The following IFIT3 variants were observed in gnomAD, a reference collection of about 807,000 sequenced individuals.
IFIT3 encodes interferon-induced protein with tetratricopeptide repeats 3.
In IFIT3, 2 loss-of-function variants were observed where a neutral mutation model predicts 2.4. The observed-to-expected ratio is 0.82, with a 90% CI of 0.34 to 2.60. The LOEUF is 2.60. IFIT3 is among the 30% of genes most tolerant of loss of function. The pLI, the probability that IFIT3 is intolerant of heterozygous loss-of-function variation, is 0.11. For missense variants in IFIT3, 481 were observed against 562.4 expected (o/e 0.86, Z 1.46); for synonymous variants, 203 against 212.1 (o/e 0.96, Z 0.37).
At chr10:89,337,471 C>G (rs1468869096) in intron 1 of IFIT3, among the ~76,000 whole-genome samples, 1 of 152,168 alleles carries the variant, frequency 6.6e-6, no homozygotes, top group Admixed American at 6.5e-5. Context: ...GTGATCTCAG[C>G]TCACTACAAC....
chr10:89,332,914 T>C (rs1398739126), intron 1 of IFIT3, among the ~76,000 whole-genome samples: 1 of 152,174 alleles, frequency 6.6e-6, no homozygotes, highest in African/African-American at 2.4e-5. Context: ...ATCGGGCCAG[T>C]GAAAGCTGGG....
rs1300994627 is a variant in IFIT3, at chr10:89,340,154, G to A, written c.*26G>A. ...GACAGAGGAGGAAAACAGAGCATCA[G>A]AAGCCTGCAGTGGTGGTTGTGACGG... On this transcript the variant is annotated 3_prime_UTR_variant, in exon 2 of 2. Coordinates refer to ENST00000371818, the MANE Select transcript of IFIT3 (RefSeq NM_001549.6). 1.3e-6 allele frequency: 2 copies of A among 1,549,130 alleles called. No individual in the cohort carries two copies. The highest frequency in any genetic ancestry group is 1.7e-6 in the Non-Finnish European group (2 of 1,149,164).
chr10:89,332,033 A>T (rs6586184), intron 1 of IFIT3, among the ~76,000 whole-genome samples: 1 of 151,878 alleles, frequency 6.6e-6, no homozygotes, highest in South Asian at 2.1e-4. Context: ...GAGTTCGAGA[A>T]CAGCCTGACC....
At chr10:89,330,257 T>C (rs1240415157) in intron 1 of IFIT3, among the ~76,000 whole-genome samples, 1 of 152,218 alleles carries the variant, frequency 6.6e-6, no homozygotes, top group African/African-American at 2.4e-5. Flanking sequence ...AGAGCTATTA[T>C]TTCTATTATT....
At chr10:89,332,492 C>T in intron 1 of IFIT3, 2 of 1,563,160 alleles carry the variant, frequency 1.3e-6, no homozygotes. Flanking sequence ...ACTTTCCTTT[C>T]CCCTTTCATA....
In IFIT3 at chr10:89,328,146, G is replaced by A. The variant is rs111838735; in HGVS notation, c.5+68G>A. ...CAAATTGTAAGTTGAGTTTCTTACT[G>A]TGCAGGCACATTCCTGAATTGTCCT... On this transcript the variant is annotated intron_variant, in intron 1 of 1. Transcript: ENST00000371818. 5,083 of 1,425,748 alleles carry A rather than the reference G, an allele frequency of 3.6e-3. 13 individuals carry two copies. The highest frequency in any genetic ancestry group is 4.3e-3 in the Non-Finnish European group (4,347 of 1,008,822). 88.3% of individuals were successfully genotyped at this position (1,425,748 alleles called of 1,614,324 possible).
rs1159086959 is a variant in IFIT3, at chr10:89,338,823, G to T, written c.168G>T (p.Leu56Phe). The T allele has an allele frequency of 4.3e-6, 7 of 1,614,150 alleles. No homozygotes were observed. Among genetic ancestry groups the T allele is most frequent in the Non-Finnish European group, 5.9e-6 (7 of 1,180,008 alleles). ...NTEFKATMYN[L>F]LAYIKHLDGN... ...AGTTCAAAGCTACAATGTACAACTT[G>T]TTGGCCTACATAAAACACCTAGATG... The change falls in exon 2 of 2, where the codon TTG becomes TTT. Residue 56 changes from leucine to phenylalanine, a missense_variant. Coordinates refer to ENST00000371818, the MANE Select transcript of IFIT3 (RefSeq NM_001549.6).
At chr10:89,336,512 G>A (rs188596456) in intron 1 of IFIT3, among the ~76,000 whole-genome samples, 1 of 152,294 alleles carries the variant, frequency 6.6e-6, no homozygotes, top group Admixed American at 6.5e-5. Context: ...AAGTATAATA[G>A]ATCAGTACAC....
At position 89,331,961 on chromosome 10, in the gene IFIT3, G is replaced by A. The variant is rs567766704; in HGVS notation, c.5+3883G>A. Reference sequence around the variant, plus strand: ...GACTAGGTTGTCTGAGGCCGGGCACGGTGGTGCAAGGCTATAATCCCAGCA... The same window carrying A: ...GACTAGGTTGTCTGAGGCCGGGCACAGTGGTGCAAGGCTATAATCCCAGCA... On this transcript the variant is annotated intron_variant, in intron 1 of 1. Coordinates refer to ENST00000371818, the MANE Select transcript of IFIT3 (RefSeq NM_001549.6). Among the ~76,000 whole-genome samples the A allele has an allele frequency of 2.2e-4, 33 of 151,912 alleles. No homozygotes were observed. In the South Asian group the frequency reaches 4.2e-3, roughly 19 times the overall value.
rs1237827605 is a variant in IFIT3, at chr10:89,339,053, T to C, written c.398T>C (p.Ile133Thr). 6.2e-7 allele frequency: 1 copy of C among 1,614,106 alleles called. No individual in the cohort carries two copies. The highest frequency in any genetic ancestry group is 1.1e-5 in the South Asian group (1 of 91,090). ...AAGAAATTTTCAAATCCATACAGTATTGAGTATTCTGAACTTGACTGTGAG... is the reference window on the plus strand; with the variant it reads ...AAGAAATTTTCAAATCCATACAGTACTGAGTATTCTGAACTTGACTGTGAG... ...TCKKFSNPYS[I>T]EYSELDCEEG... is the part of the protein sequence containing the mutation. Residue 133 changes from isoleucine to threonine, a missense_variant, in exon 2 of 2, where the codon ATT (isoleucine) becomes ACT (threonine). Coordinates refer to ENST00000371818, the MANE Select transcript of IFIT3 (RefSeq NM_001549.6).
chr10:89,333,063 T>C (rs1466265265), intron 1 of IFIT3, among the ~76,000 whole-genome samples: 1 of 152,250 alleles, frequency 6.6e-6, no homozygotes, highest in Non-Finnish European at 1.5e-5. Context: ...GTGTCAATAA[T>C]TAATTCAGCA....
chr10:89,334,376 C>T (rs1024020710), intron 1 of IFIT3, among the ~76,000 whole-genome samples: 1 of 151,692 alleles, frequency 6.6e-6, no homozygotes, highest in Admixed American at 6.6e-5. Context: ...TCCTATCTCC[C>T]TAAGGTCTTC....
In IFIT3 at chr10:89,339,144, G is replaced by A. The variant is rs370990505; in HGVS notation, c.489G>A (p.Leu163=). The part of the protein sequence containing the change: ...ERAKVCFEKA[L]EEKPNNPEFS... ...CGAAGGTGTGTTTTGAGAAGGCTCT[G>A]GAAGAAAAGCCCAACAACCCAGAAT... Residue 163 remains leucine, a synonymous_variant, in exon 2 of 2, where the codon CTG becomes CTA. Transcript: ENST00000371818. 5.6e-5 allele frequency: 90 copies of A among 1,613,974 alleles called. No individual in the cohort carries two copies. Among genetic ancestry groups the A allele is most frequent in the Non-Finnish European group, 7.5e-5 (88 of 1,180,012 alleles).
chr10:89,337,235 G>A (rs1400409408), intron 1 of IFIT3, among the ~76,000 whole-genome samples: 2 of 152,176 alleles, frequency 1.3e-5, no homozygotes, highest in Non-Finnish European at 2.9e-5. Flanking sequence ...GAAAGCACCT[G>A]GCGGGCAGAG....
Position 89,338,532 on chromosome 10 carries a change from C to A in IFIT3, c.6-129C>A, listed in dbSNP as rs143716945. 13 of 854,140 alleles carry A rather than the reference C, an allele frequency of 1.5e-5. No homozygotes were observed. The East Asian group carries it at 2.5e-4, about 16-fold the overall frequency. The allele number at this position is 854,140 out of a possible 1,614,324, so 52.9% of individuals were successfully genotyped here. A position where few individuals can be genotyped will look rare whatever the true frequency, so the allele number is the denominator to read the frequency against. ...TCCAGAAACAACCTCACATACATAC[C>A]CAGAAATAATGTTGGACCAAATATC... On this transcript the variant is annotated intron_variant, in intron 1 of 1. Transcript: ENST00000371818.
chr10:89,331,321 G>A (rs936920556), intron 1 of IFIT3, among the ~76,000 whole-genome samples: 5 of 152,086 alleles, frequency 3.3e-5, no homozygotes, highest in African/African-American at 1.2e-4. Flanking sequence ...ATAGGAGCAC[G>A]CCACTATGCC....
intron 1 of IFIT3, among the ~76,000 whole-genome samples, chr10:89,329,800 C>A (rs1482071426): frequency 6.6e-6 from 1 of 152,138 alleles, no homozygotes; most frequent in Admixed American, 6.5e-5. Flanking sequence ...GACCACCAAA[C>A]AGGCTTTGTG....
chr10:89,339,651 C>T lies in IFIT3; in HGVS notation c.996C>T (p.Tyr332=). The change falls in exon 2 of 2, where the codon TAC becomes TAT. Residue 332 remains tyrosine (Y), a synonymous_variant. Transcript: ENST00000371818. ...LEKGLNPLNA[Y]SDLAEFLETE... ...AGGGACTGAATCCTCTGAATGCATA[C>T]TCCGATCTCGCTGAGTTCCTGGAGA... 1 of 1,614,196 alleles carries T rather than the reference C, an allele frequency of 6.2e-7. No individual in the cohort carries two copies. The highest frequency in any genetic ancestry group is 8.5e-7 in the Non-Finnish European group (1 of 1,180,028).
intron 1 of IFIT3, among the ~76,000 whole-genome samples, chr10:89,333,725 T>C (rs1337719012): frequency 6.6e-6 from 1 of 152,122 alleles, no homozygotes; most frequent in Non-Finnish European, 1.5e-5. Context: ...GTAATTTAAG[T>C]ATGAGAAACT....
Sources: allele counts gnomAD v4.1 joint callset (sites outside exome capture counted in the v4.1 genomes callset), GRCh38; gene constraint gnomAD v4.1.1; transcripts MANE v1.5; gene names NCBI Gene and HGNC (gene_info 2026-07-23, HGNC 2026-07-21).